PCED1B: variants seen among roughly 807,000 people sequenced by gnomAD.
The protein encoded by PCED1B is PC-esterase domain-containing protein 1B.
For synonymous variants in PCED1B, 251 were observed against 246.1 expected (o/e 1.02, Z -0.19); for missense variants, 573 against 573.9 (o/e 1.00, Z 0.02).
chr12:47,106,952 C>A (rs897092385), intron 2 of PCED1B, among the ~76,000 whole-genome samples: 1 of 152,204 alleles, frequency 6.6e-6, no homozygotes, highest in Non-Finnish European at 1.5e-5. Flanking sequence ...CTCCTAGGAA[C>A]CCACTCTGGA....
chr12:47,097,663 A>G (rs1317079405), intron 1 of PCED1B, among the ~76,000 whole-genome samples: 1 of 152,216 alleles, frequency 6.6e-6, no homozygotes, highest in East Asian at 1.9e-4. Context: ...GGTTCAGTGA[A>G]GAGCCGACAA....
intron 2 of PCED1B, among the ~76,000 whole-genome samples, chr12:47,204,136 G>A (rs1222283967): frequency 2.0e-5 from 3 of 152,066 alleles, no homozygotes; most frequent in Admixed American, 2.0e-4. Flanking sequence ...GTAGAGACAG[G>A]GTTTCATTCG....
At chr12:47,088,213 AGATGTTT>A (rs879327644) in intron 1 of PCED1B, among the ~76,000 whole-genome samples, 1 of 152,254 alleles carries the variant, frequency 6.6e-6, no homozygotes, top group Admixed American at 6.5e-5. Flanking sequence ...GACGCAGCAC[AGATGTTT>A]AACAAATGTT....
At chr12:47,211,428 G>A (rs1225659891) in intron 2 of PCED1B, among the ~76,000 whole-genome samples, 1 of 151,694 alleles carries the variant, frequency 6.6e-6, no homozygotes, top group Non-Finnish European at 1.5e-5. Flanking sequence ...GAGGCATGTG[G>A]ATCACTTGAG....
intron 3 of PCED1B, among the ~76,000 whole-genome samples, chr12:47,221,107 T>A (rs371920639): frequency 2.8e-4 from 43 of 152,254 alleles, no homozygotes; most frequent in African/African-American, 9.4e-4. Flanking sequence ...AGAAAACATA[T>A]AAAATTAAAA....
At chr12:47,171,900 T>G (rs998258577) in intron 2 of PCED1B, among the ~76,000 whole-genome samples, 2 of 148,948 alleles carry the variant, frequency 1.3e-5, no homozygotes, top group African/African-American at 2.6e-5. Flanking sequence ...CTTCTTCCTC[T>G]TCTTCCTCTT....
chr12:47,195,328 CA>C (rs11454301), intron 2 of PCED1B, among the ~76,000 whole-genome samples: 68 of 136,110 alleles, frequency 5.0e-4, no homozygotes, highest in Admixed American at 6.9e-4. Flanking sequence ...GTCTCTGTCT[CA>C]AAAAAAAAAA....
chr12:47,200,193 TC>T (rs1942722007), intron 2 of PCED1B, among the ~76,000 whole-genome samples: 1 of 134,168 alleles, frequency 7.5e-6, no homozygotes, highest in Non-Finnish European at 1.7e-5. Flanking sequence ...AGATCTTGCC[TC>T]AAAAAAAAAA....
At chr12:47,163,930 T>C (rs549746599) in intron 2 of PCED1B, among the ~76,000 whole-genome samples, 5 of 152,200 alleles carry the variant, frequency 3.3e-5, no homozygotes, top group African/African-American at 9.6e-5. Flanking sequence ...AGCAAAACCC[T>C]CTACTGTAAC....
intron 2 of PCED1B, among the ~76,000 whole-genome samples, chr12:47,159,714 T>G (rs1941308843): frequency 1.3e-5 from 2 of 152,232 alleles, no homozygotes; most frequent in African/African-American, 4.8e-5. Context: ...ATTGTTTCCT[T>G]TGCTGTACAG....
chr12:47,111,991 C>T (rs1313344414), intron 2 of PCED1B, among the ~76,000 whole-genome samples: 2 of 152,002 alleles, frequency 1.3e-5, no homozygotes, highest in Non-Finnish European at 2.9e-5. Flanking sequence ...GTCGTGTAGC[C>T]CCTCCATAAG....
chr12:47,083,421 T>A (rs1260819585), intron 1 of PCED1B, among the ~76,000 whole-genome samples: 3 of 152,076 alleles, frequency 2.0e-5, no homozygotes. Flanking sequence ...GAGCTTCCTG[T>A]GGAGTTTCAT....
intron 2 of PCED1B, among the ~76,000 whole-genome samples, chr12:47,128,488 C>T (rs1437861184): frequency 2.0e-5 from 3 of 152,118 alleles, no homozygotes; most frequent in Non-Finnish European, 4.4e-5. Flanking sequence ...AACCAGAGAT[C>T]TACCCAAATA....
At chr12:47,228,747 C>G (rs1943709687) in intron 3 of PCED1B, among the ~76,000 whole-genome samples, 1 of 151,814 alleles carries the variant, frequency 6.6e-6, no homozygotes, top group Non-Finnish European at 1.5e-5. Context: ...GTGATGCACA[C>G]CTGTAATCCC....
At chr12:47,143,609 T>G (rs553234463) in intron 2 of PCED1B, among the ~76,000 whole-genome samples, 2 of 152,284 alleles carry the variant, frequency 1.3e-5, no homozygotes, top group Admixed American at 6.5e-5. Flanking sequence ...AGATATCCCA[T>G]GGTCATGGAA....
intron 2 of PCED1B, among the ~76,000 whole-genome samples, chr12:47,185,696 G>A (rs893042570): frequency 1.3e-5 from 2 of 151,784 alleles, no homozygotes; most frequent in African/African-American, 4.8e-5. Flanking sequence ...GGCTGAGGCA[G>A]CAGAACTGCT....
chr12:47,232,461 T>G (rs1487577388), intron 3 of PCED1B, among the ~76,000 whole-genome samples: 1 of 152,244 alleles, frequency 6.6e-6, no homozygotes, highest in East Asian at 1.9e-4. Flanking sequence ...CTTTTAAAAC[T>G]TGAATGTGTA....
At chr12:47,114,944 A>G (rs899732628) in intron 2 of PCED1B, among the ~76,000 whole-genome samples, 6 of 152,236 alleles carry the variant, frequency 3.9e-5, no homozygotes, top group African/African-American at 7.2e-5. Flanking sequence ...ACTATATGCA[A>G]ATTAAAACTA....
intron 2 of PCED1B, among the ~76,000 whole-genome samples, chr12:47,188,270 A>AG (rs966260769): frequency 7.2e-5 from 11 of 152,164 alleles, no homozygotes; most frequent in Non-Finnish European, 1.6e-4. Context: ...GGCTAATCTC[A>AG]GGGGGGAATA....
Sources: gnomAD v4.1 joint callset for allele counts (sites outside exome capture counted in the v4.1 genomes callset) on GRCh38, gnomAD v4.1.1 for gene constraint, MANE v1.5 for transcripts, NCBI Gene and HGNC (gene_info 2026-07-23, HGNC 2026-07-21) for gene names.